EYS: variants seen among roughly 807,000 people sequenced by gnomAD.
The protein encoded by EYS is EGF-like photoreceptor maintenance factor.
EYS carries 250 observed loss-of-function variants against 282.1 expected under a neutral mutation model. That is an observed-to-expected ratio of 0.89 (90% CI 0.80 to 0.98). The LOEUF (loss-of-function observed/expected upper bound fraction) is 0.98, where lower values mean the gene tolerates loss of function less well. Among genes scored for constraint, EYS ranks in the 50% least tolerant of loss-of-function variants. The pLI is 0.00. For synonymous variants in EYS, 1,355 were observed against 1,282.9 expected (o/e 1.06, Z -1.20); for missense variants, 4,016 against 3,709.0 (o/e 1.08, Z -2.15).
intron 22 of EYS, among the ~76,000 whole-genome samples, chr6:64,775,829 T>C (rs555724148): frequency 2.0e-5 from 3 of 152,222 alleles, no homozygotes; most frequent in African/African-American, 7.2e-5. Flanking sequence ...ATCAAGGTAG[T>C]ACAATATATC....
intron 14 of EYS, among the ~76,000 whole-genome samples, chr6:64,949,077 T>G (rs1769393423): frequency 6.6e-6 from 1 of 151,956 alleles, no homozygotes. Context: ...AACATGAATT[T>G]TCAAGTTAGA....
At chr6:65,081,082 G>T (rs1412931101) in intron 12 of EYS, among the ~76,000 whole-genome samples, 1 of 152,028 alleles carries the variant, frequency 6.6e-6, no homozygotes, top group Non-Finnish European at 1.5e-5. Flanking sequence ...TAATAGCAAG[G>T]CATAATGTGG....
rs1459400818 is a variant in EYS, at chr6:64,989,413, A to ATATATATATATG, written c.2259+8168_2259+8169insCATATATATATA. On this transcript the variant is annotated intron_variant, in intron 14 of 42. Coordinates refer to ENST00000503581, the MANE Select transcript of EYS (RefSeq NM_001142800.2). ...AGCTGTAATATATATATATATATAT[A>ATATATATATATG]TATGAATATATATGAGAAACAGGAA... is the stretch of plus-strand genomic sequence containing the variant. Among the ~76,000 whole-genome samples the ATATATATATATG allele has an allele frequency of 1.6e-5, 2 of 122,310 alleles. 1 individual carries two copies. The highest frequency in any genetic ancestry group is 3.3e-5 in the Non-Finnish European group (2 of 60,052). 80.2% of individuals were successfully genotyped at this position (122,310 alleles called of 152,430 possible).
chr6:63,784,061 C>T (rs1341897905), intron 39 of EYS, among the ~76,000 whole-genome samples: 2 of 152,180 alleles, frequency 1.3e-5, no homozygotes, highest in Non-Finnish European at 2.9e-5. Flanking sequence ...AGCCTTCGTA[C>T]TTGGACTGAA....
intron 12 of EYS, among the ~76,000 whole-genome samples, chr6:65,138,027 A>G (rs753290798): frequency 1.3e-5 from 2 of 152,084 alleles, no homozygotes; most frequent in Non-Finnish European, 2.9e-5. Context: ...CTTTAAATGT[A>G]ATGTTTTGTA....
chr6:64,842,137 G>C (rs1583213972), intron 19 of EYS, among the ~76,000 whole-genome samples: 1 of 151,946 alleles, frequency 6.6e-6, no homozygotes, highest in East Asian at 1.9e-4. Flanking sequence ...AATGCTAATA[G>C]TGTTGGTTTT....
chr6:65,707,004 A>C (rs1222347996), intron 1 of EYS, 131 bp downstream of exon 1: 1 of 152,214 alleles, frequency 6.6e-6, no homozygotes, highest in East Asian at 1.9e-4. Context: ...TTTATATATA[A>C]TAAGTAAAAA....
intron 36 of EYS, among the ~76,000 whole-genome samples, chr6:63,826,648 T>C (rs753506464): frequency 6.6e-6 from 1 of 151,984 alleles, no homozygotes; most frequent in South Asian, 2.1e-4. Context: ...AAACTAAGCA[T>C]CATATGTGAA....
At chr6:64,095,386 T>G (rs965240246) in intron 31 of EYS, among the ~76,000 whole-genome samples, 1 of 152,162 alleles carries the variant, frequency 6.6e-6, no homozygotes, top group Non-Finnish European at 1.5e-5. Flanking sequence ...TGTGTGGTAG[T>G]CTAAGTCTCT....
In EYS at chr6:64,886,790, C is replaced by A; in HGVS notation, c.2899G>T (p.Val967Leu). The stretch of plus-strand genomic sequence containing the variant: ...CAAGGTGAGATTTTACATTTATTTA[C>A]ATCAAGTTCACAGAAGGGCCCATGG... ...EYHGPFCELD[V>L]NKCKISPCLD... The change falls in exon 19 of 43, where the codon GTA becomes TTA. Residue 967 changes from valine (V) to leucine (L), a missense_variant. Coordinates refer to ENST00000503581, the MANE Select transcript of EYS (RefSeq NM_001142800.2). 6.5e-7 allele frequency: 1 copy of A among 1,546,662 alleles called. No individual in the cohort carries two copies. The highest frequency in any genetic ancestry group is 1.2e-5 in the South Asian group (1 of 83,482).
At chr6:63,881,388 C>T (rs1562076600) in intron 35 of EYS, among the ~76,000 whole-genome samples, 1 of 152,294 alleles carries the variant, frequency 6.6e-6, no homozygotes, top group East Asian at 1.9e-4. Context: ...GAGGTTATGG[C>T]ATGGAGCAGA....
intron 22 of EYS, among the ~76,000 whole-genome samples, chr6:64,635,695 G>T (rs1767951652): frequency 6.6e-6 from 1 of 152,176 alleles, no homozygotes; most frequent in African/African-American, 2.4e-5. Flanking sequence ...TGGTGGATAA[G>T]TGTTTTGATG....
chr6:64,434,543 T>G (rs1037030034), intron 28 of EYS, among the ~76,000 whole-genome samples: 13 of 152,172 alleles, frequency 8.5e-5, no homozygotes, highest in African/African-American at 2.6e-4. Flanking sequence ...ATACAGCAGT[T>G]CTTTCCTGGT....
chr6:65,315,445 A>T (rs545584853), intron 11 of EYS, among the ~76,000 whole-genome samples: 1 of 151,990 alleles, frequency 6.6e-6, no homozygotes, highest in South Asian at 2.1e-4. Context: ...CCTCCCCATC[A>T]CTACTCCCTT....
intron 2 of EYS, among the ~76,000 whole-genome samples, chr6:65,502,171 A>T (rs1766477738): frequency 1.3e-5 from 2 of 151,734 alleles, no homozygotes; most frequent in South Asian, 4.1e-4. Flanking sequence ...TTATAGACAA[A>T]AATGTTTTGC....
intron 28 of EYS, among the ~76,000 whole-genome samples, chr6:64,416,089 C>A (rs1004185828): frequency 6.6e-6 from 1 of 152,104 alleles, no homozygotes; most frequent in Non-Finnish European, 1.5e-5. Flanking sequence ...GAATTGGAGG[C>A]AGATTTTTTG....
intron 13 of EYS, among the ~76,000 whole-genome samples, chr6:65,050,526 T>C (rs976781625): frequency 3.3e-5 from 5 of 151,698 alleles, no homozygotes; most frequent in African/African-American, 1.2e-4. Context: ...GAAATTTAAC[T>C]GACTTTTGGT....
At chr6:63,968,498 G>A (rs945690566) in intron 35 of EYS, among the ~76,000 whole-genome samples, 1 of 152,098 alleles carries the variant, frequency 6.6e-6, no homozygotes, top group Admixed American at 6.6e-5. Flanking sequence ...AAAAGCACCT[G>A]TGGAATTGAG....
intron 12 of EYS, among the ~76,000 whole-genome samples, chr6:65,106,241 C>T (rs925824931): frequency 5.3e-5 from 8 of 151,926 alleles, no homozygotes; most frequent in African/African-American, 1.9e-4. Context: ...TATTTCCTTT[C>T]TTTTAACATA....
Sources: allele counts gnomAD v4.1 joint callset (sites outside exome capture counted in the v4.1 genomes callset), GRCh38; gene constraint gnomAD v4.1.1; transcripts MANE v1.5; gene names NCBI Gene and HGNC (gene_info 2026-07-23, HGNC 2026-07-21).